Variants in MYO1H observed in about 807,000 individuals in gnomAD.
MYO1H encodes unconventional myosin-Ih.
Under a neutral mutation model 149.3 loss-of-function variants are expected in MYO1H, and 118 were observed. The observed-to-expected ratio is 0.79, with a 90% CI of 0.68 to 0.92. MYO1H has a LOEUF of 0.92. Ranked by LOEUF, MYO1H falls within the 40% of genes least tolerant of loss-of-function variation. The pLI is 0.00. For synonymous variants in MYO1H, 447 were observed against 465.2 expected, an observed-to-expected ratio of 0.96 and a Z score of 0.50; for missense variants, 1,212 against 1,280.7, an observed-to-expected ratio of 0.95 and a Z score of 0.82.
At chr12:109,311,335 A>C in the MYO1H span, among the ~76,000 whole-genome samples, 1 of 152,202 alleles carries the variant, frequency 6.6e-6, no homozygotes, top group East Asian at 1.9e-4. Context: ...TTAATTAAAA[A>C]ATTGAGATTT....
At chr12:109,342,404 C>G in the MYO1H span, among the ~76,000 whole-genome samples, 17 of 151,838 alleles carry the variant, frequency 1.1e-4, no homozygotes, top group African/African-American at 4.1e-4. Flanking sequence ...CTTGGCCTCC[C>G]GAAGTGTTGG....
At chr12:109,319,342 A>G in the MYO1H span, among the ~76,000 whole-genome samples, 3 of 152,206 alleles carry the variant, frequency 2.0e-5, no homozygotes, top group South Asian at 2.1e-4. Context: ...GGCAGACTGC[A>G]TTATTCTACT....
At chr12:109,330,027 G>T in the MYO1H span, among the ~76,000 whole-genome samples, 1 of 152,160 alleles carries the variant, frequency 6.6e-6, no homozygotes, top group Non-Finnish European at 1.5e-5. Flanking sequence ...ACCGGACTGG[G>T]GGCCTGGGAC....
intron 1 of MYO1H, among the ~76,000 whole-genome samples, chr12:109,386,045 A>C (rs75488681): frequency 1.3e-5 from 2 of 152,102 alleles, no homozygotes; most frequent in Non-Finnish European, 2.9e-5. Context: ...CTAGGCAACA[A>C]TTGTTCTGAT....
intron 30 of MYO1H, 94 bp from the exon 31 acceptor site, chr12:109,445,419 T>C: frequency 1.1e-6 from 1 of 902,842 alleles, no homozygotes; most frequent in Non-Finnish European, 1.7e-6. Flanking sequence ...ATCTTGAAAC[T>C]AGTAGAATTT....
intron 13 of MYO1H, 38 bp downstream of exon 13, chr12:109,410,806 G>A (rs745330873): frequency 2.5e-5 from 33 of 1,333,578 alleles, no homozygotes; most frequent in South Asian, 3.8e-5. Flanking sequence ...CTATTCACCC[G>A]GCACTTACAA....
At chr12:109,318,984 T>TTTTG in the MYO1H span, among the ~76,000 whole-genome samples, 3 of 145,314 alleles carry the variant, frequency 2.1e-5, no homozygotes, top group Admixed American at 6.8e-5. Context: ...TTTTTTTTTT[T>TTTTG]TTTTTTTTTT....
intron 20 of MYO1H, 49 bp from the exon 21 acceptor site, chr12:109,434,988 G>A: frequency 8.1e-7 from 1 of 1,231,348 alleles, no homozygotes. Context: ...CAACCCACTA[G>A]ATGGTAAACT....
At chr12:109,348,006 C>G (rs1868374908) in intron 1 of MYO1H, 34 bp downstream of exon 1, 1 of 399,068 alleles carries the variant, frequency 2.5e-6, no homozygotes, top group Non-Finnish European at 4.4e-6. Context: ...GGTGGTTACA[C>G]CTGGTGACCT....
At chr12:109,353,325 C>G (rs914761225) in intron 1 of MYO1H, among the ~76,000 whole-genome samples, 3 of 130,456 alleles carry the variant, frequency 2.3e-5, no homozygotes. Flanking sequence ...ACCCGGGAGG[C>G]GGAGGTTGCA....
chr12:109,432,839 G>A (rs78622470), intron 19 of MYO1H, 58 bp from the exon 20 acceptor site: 10 of 1,455,048 alleles, frequency 6.9e-6, no homozygotes, highest in African/African-American at 1.4e-5. Flanking sequence ...CCGGGGATGT[G>A]GGGGAGGGCT....
At chr12:109,321,378 CCTT>C in the MYO1H span, among the ~76,000 whole-genome samples, 1 of 151,824 alleles carries the variant, frequency 6.6e-6, no homozygotes, top group East Asian at 1.9e-4. Context: ...GGTGAAACCC[CCTT>C]GTCTCTACTA....
At chr12:109,430,594 T>C (rs927737898) in intron 19 of MYO1H, among the ~76,000 whole-genome samples, 1 of 152,100 alleles carries the variant, frequency 6.6e-6, no homozygotes, top group African/African-American at 2.4e-5. Context: ...CATGGGACAC[T>C]CGATACCCTT....
exon 12 of MYO1H, chr12:109,409,990 C>T (rs1418673954): frequency 1.9e-6 from 3 of 1,538,836 alleles, no homozygotes; most frequent in Non-Finnish European, 2.6e-6. Flanking sequence ...TAAATTACTG[C>T]AATGAGAAAC....
At chr12:109,370,982 TAAAG>T (rs1472690766) in intron 1 of MYO1H, among the ~76,000 whole-genome samples, 1 of 152,172 alleles carries the variant, frequency 6.6e-6, no homozygotes, top group Non-Finnish European at 1.5e-5. Flanking sequence ...CAAAATGCTA[TAAAG>T]AAATAGGGTG....
intron 3 of MYO1H, among the ~76,000 whole-genome samples, chr12:109,394,348 T>G (rs1022122479): frequency 6.6e-6 from 1 of 152,220 alleles, no homozygotes; most frequent in Non-Finnish European, 1.5e-5. Flanking sequence ...AGATTACTGG[T>G]TAGTTACACA....
intron 6 of MYO1H, among the ~76,000 whole-genome samples, 172 bp from the exon 7 acceptor site, chr12:109,403,810 A>G (rs1369096790): frequency 2.0e-5 from 3 of 152,252 alleles, no homozygotes; most frequent in African/African-American, 7.2e-5. Flanking sequence ...AAATTTGAAA[A>G]AAAGCAACAG....
At chr12:109,445,398 A>T (rs932648702) in intron 30 of MYO1H, 115 bp from the exon 31 acceptor site, 1 of 795,940 alleles carries the variant, frequency 1.3e-6, no homozygotes, top group Non-Finnish European at 2.0e-6. Context: ...CTGTAATAAA[A>T]CAGGAATTTG....
rs185746028 is a variant in MYO1H at position 109,432,151 on chromosome 12, G to A, written c.1950-746G>A. 1.5e-3 allele frequency among the ~76,000 whole-genome samples: 226 copies of A among 151,872 alleles called. 2 individuals carry two copies. Among genetic ancestry groups the A allele is most frequent in the African/African-American group, 5.1e-3 (210 of 41,432 alleles). ...CCAGTAGCTGGGACTACAGGTGCCC[G>A]CCACCATGCCTGGCTAATTTTGTTT... On this transcript the variant is annotated intron_variant, in intron 19 of 31. Coordinates refer to ENST00000310903, the Ensembl canonical transcript of MYO1H.
Sources: gnomAD v4.1 joint callset for allele counts (sites outside exome capture counted in the v4.1 genomes callset) on GRCh38, gnomAD v4.1.1 for gene constraint, MANE v1.5 for transcripts, NCBI Gene and HGNC (gene_info 2026-07-23, HGNC 2026-07-21) for gene names.